UGT1A9: variants seen among roughly 807,000 people sequenced by gnomAD.
The protein encoded by UGT1A9 is UDP-glucuronosyltransferase 1A9.
Under a neutral mutation model 45.0 loss-of-function variants are expected in UGT1A9, and 35 were observed. The observed-to-expected ratio is 0.78, with a 90% CI of 0.59 to 1.03. The LOEUF is 1.03. UGT1A9 is among the 50% of genes least tolerant of loss of function. The pLI is 0.00. For missense variants in UGT1A9, 687 were observed against 666.6 expected (o/e 1.03, Z -0.34); for synonymous variants, 278 against 250.6 (o/e 1.11, Z -1.03).
At chr2:233,733,813 G>T (rs2078440329) in intron 1 of UGT1A9, among the ~76,000 whole-genome samples, 1 of 152,202 alleles carries the variant, frequency 6.6e-6, no homozygotes, top group East Asian at 1.9e-4. Context: ...GATGATGCTG[G>T]CCTCATAAAA....
chr2:233,747,689 A>G lies in UGT1A9; in HGVS notation c.856-19345A>G, dbSNP rs552388790. The stretch of plus-strand genomic sequence containing the variant: ...TAGACCCAATTTACCTCTGTGGGGC[A>G]GTGCTGGCTAAGTACCTATCAATTC... On this transcript the variant is annotated intron_variant, in intron 1 of 4. Transcript: ENST00000354728. 1.1e-5 allele frequency: 18 copies of G among 1,609,782 alleles called. No homozygotes were observed. In the Middle Eastern group the frequency reaches 5.0e-4, roughly 44 times the overall value.
chr2:233,682,765 C>A lies in UGT1A9; in HGVS notation c.855+9976C>A, dbSNP rs141393523. The A allele has an allele frequency of 3.5e-3, 5,647 of 1,613,716 alleles. 18 individuals are homozygous for A. The highest frequency in any genetic ancestry group is 4.4e-3 in the Non-Finnish European group (5,243 of 1,179,658). ...ATATGATCTTCATTGGTGGTATCAA[C>A]TGTCATCAGGGAAAGCCAGTGCCTA... On this transcript the variant is annotated intron_variant, in intron 1 of 4. Transcript: ENST00000354728.
rs61729911 is a variant in UGT1A9 at position 233,743,597 on chromosome 2, T to C, written c.856-23437T>C. 389 of 1,367,326 alleles carry C rather than the reference T, an allele frequency of 2.8e-4. 8 individuals carry two copies. The African/African-American group carries it at 4.3e-3, about 15-fold the overall frequency. 84.7% of individuals were successfully genotyped at this position (1,367,326 alleles called of 1,614,324 possible). A position where few individuals can be genotyped will look rare whatever the true frequency, so the allele number is the denominator to read the frequency against. On this transcript the variant is annotated intron_variant, in intron 1 of 4. Transcript: ENST00000354728. Reference sequence around the variant, plus strand: ...CAAGAGGTCAAAGGAGAATGGGTCCTGGCCGCCGAAGAACTCCCTGAAGAC... The same window carrying C: ...CAAGAGGTCAAAGGAGAATGGGTCCCGGCCGCCGAAGAACTCCCTGAAGAC...
intron 1 of UGT1A9, chr2:233,747,401 A>G: frequency 6.2e-7 from 1 of 1,606,744 alleles, no homozygotes; most frequent in East Asian, 2.2e-5. Flanking sequence ...TCCTCACCCC[A>G]GAGGTGAATA....
Position 233,772,910 on chromosome 2 carries a change from T to C in UGT1A9, c.*351T>C. Reference sequence around the variant, plus strand: ...AAGGTGGTCCCACGGCTGCCCCTACTGCAAATGGCAGTTTTAATCTTATCT... The same window carrying C: ...AAGGTGGTCCCACGGCTGCCCCTACCGCAAATGGCAGTTTTAATCTTATCT... On this transcript the variant is annotated 3_prime_UTR_variant, in exon 5 of 5. Coordinates refer to ENST00000354728, the MANE Select transcript of UGT1A9 (RefSeq NM_021027.3). The C allele has an allele frequency of 2.5e-6, 1 of 393,908 alleles. No individual in the cohort carries two copies. Among genetic ancestry groups the C allele is most frequent in the Non-Finnish European group, 4.4e-6 (1 of 225,416 alleles). 24.4% of individuals were successfully genotyped at this position (393,908 alleles called of 1,614,324 possible). A position where few individuals can be genotyped will look rare whatever the true frequency, so the allele number is the denominator to read the frequency against.
chr2:233,681,312 T>C (rs1339114161), intron 1 of UGT1A9, among the ~76,000 whole-genome samples: 2 of 151,946 alleles, frequency 1.3e-5, no homozygotes, highest in African/African-American at 2.4e-5. Flanking sequence ...GATGGGCAGA[T>C]TGCCTGAGCT....
chr2:233,767,753 C>G, intron 2 of UGT1A9, 96 bp from the exon 3 acceptor site: 1 of 1,599,056 alleles, frequency 6.3e-7, no homozygotes, highest in Non-Finnish European at 8.5e-7. Context: ...AAGACTGTTC[C>G]TTCAGAGGAC....
At chr2:233,683,841 A>G (rs989453889) in intron 1 of UGT1A9, among the ~76,000 whole-genome samples, 3 of 152,146 alleles carry the variant, frequency 2.0e-5, no homozygotes, top group Non-Finnish European at 2.9e-5. Flanking sequence ...TGTAAGGTGT[A>G]TTAAGTATGC....
chr2:233,701,455 G>T (rs573643817), intron 1 of UGT1A9, among the ~76,000 whole-genome samples: 1 of 152,102 alleles, frequency 6.6e-6, no homozygotes, highest in African/African-American at 2.4e-5. Context: ...AGTTAACAAG[G>T]ATACCCAGGA....
Position 233,672,462 on chromosome 2 carries a change from T to A in UGT1A9, c.528T>A (p.Tyr176Ter), listed in dbSNP as rs772087611. 6.2e-7 allele frequency: 1 copy of A among 1,613,978 alleles called. No homozygotes were observed. Among genetic ancestry groups the A allele is most frequent in the Non-Finnish European group, 8.5e-7 (1 of 1,179,840 alleles). ...TCGCCAGGGGAATACTTTGCCACTA[T>A]CTTGAAGAAGGTGCACAGTGCCCTG... ...VVFARGILCHYLEEGAQCPAP... is the reference protein window; with the variant it reads ...VVFARGILCH The change falls in exon 1 of 5, where the codon TAT (tyrosine) becomes TAA (stop). Residue 176 changes from tyrosine (Y) to a stop codon, truncating the protein, a stop_gained. Transcript: ENST00000354728. LOFTEE classifies it high-confidence loss of function.
chr2:233,719,660 C>G, intron 1 of UGT1A9: 1 of 1,614,116 alleles, frequency 6.2e-7, no homozygotes, highest in Non-Finnish European at 8.5e-7. Flanking sequence ...GGGGCATCAA[C>G]TGTGCCAACG....
At chr2:233,693,340 C>T (rs2075146387) in intron 1 of UGT1A9, 1 of 1,614,074 alleles carries the variant, frequency 6.2e-7, no homozygotes, top group Admixed American at 1.7e-5. Context: ...AGACAGAGTA[C>T]AGGAATAACA....
intron 1 of UGT1A9, among the ~76,000 whole-genome samples, chr2:233,723,516 C>CTT (rs1162916866): frequency 0.011 from 946 of 85,272 alleles, 28 homozygotes; most frequent in African/African-American, 0.04. Context: ...GGTCAACAAT[C>CTT]TTTTTTTTTT....
intron 1 of UGT1A9, chr2:233,692,821 C>T (rs934359609): frequency 1.4e-6 from 2 of 1,433,108 alleles, no homozygotes; most frequent in Non-Finnish European, 1.8e-6. Context: ...TCATATTAAC[C>T]ATGTGATTAA....
chr2:233,711,980 C>T (rs1575497324), intron 1 of UGT1A9, among the ~76,000 whole-genome samples: 1 of 152,172 alleles, frequency 6.6e-6, no homozygotes, highest in African/African-American at 2.4e-5. Flanking sequence ...ACTAGAGCCC[C>T]CACAAATTAT....
At position 233,672,492 on chromosome 2, in the gene UGT1A9, T is replaced by C; in HGVS notation, c.558T>C (p.Pro186=). ...YLEEGAQCPA[P]LSYVPRILLG... Reference sequence around the variant, plus strand: ...AAGAAGGTGCACAGTGCCCTGCTCCTCTTTCCTATGTCCCCAGAATTCTCT... The same window carrying C: ...AAGAAGGTGCACAGTGCCCTGCTCCCCTTTCCTATGTCCCCAGAATTCTCT... Residue 186 remains proline, a synonymous_variant, in exon 1 of 5, where the codon CCT becomes CCC. Transcript: ENST00000354728. The C allele has an allele frequency of 6.2e-7, 1 of 1,613,986 alleles. No individual in the cohort carries two copies. Among genetic ancestry groups the C allele is most frequent in the South Asian group, 1.1e-5 (1 of 91,074 alleles).
At chr2:233,685,678 A>G (rs2074749514) in intron 1 of UGT1A9, among the ~76,000 whole-genome samples, 1 of 152,234 alleles carries the variant, frequency 6.6e-6, no homozygotes, top group Non-Finnish European at 1.5e-5. Context: ...GTGTACCCAT[A>G]TAGCCATTCT....
intron 2 of UGT1A9, 122 bp from the exon 3 acceptor site, chr2:233,767,727 T>A (rs28946890): frequency 6.4e-7 from 1 of 1,556,204 alleles, no homozygotes; most frequent in Non-Finnish European, 8.7e-7. Flanking sequence ...CAGTTACTGA[T>A]CCTCCCACTC....
At chr2:233,716,356 C>T (rs1029133275) in intron 1 of UGT1A9, among the ~76,000 whole-genome samples, 6 of 152,180 alleles carry the variant, frequency 3.9e-5, no homozygotes, top group African/African-American at 1.4e-4. Flanking sequence ...AATGTAGATA[C>T]TTTGTGGGGC....
Sources: gnomAD v4.1 joint callset for allele counts (sites outside exome capture counted in the v4.1 genomes callset) on GRCh38, gnomAD v4.1.1 for gene constraint, MANE v1.5 for transcripts, NCBI Gene and HGNC (gene_info 2026-07-23, HGNC 2026-07-21) for gene names.